ATP5IF1: variants seen among roughly 807,000 people sequenced by gnomAD.
The protein encoded by ATP5IF1 is ATPase inhibitor, mitochondrial.
Under a neutral mutation model 8.5 loss-of-function variants are expected in ATP5IF1, and 12 were observed. That is an observed-to-expected ratio of 1.41 (90% CI 0.90 to 2.28). The LOEUF is 2.28. Among genes scored for constraint, ATP5IF1 ranks in the 30% most tolerant of loss-of-function variants. ATP5IF1 has a pLI of 0.00. For synonymous variants in ATP5IF1, 51 were observed against 53.4 expected, an observed-to-expected ratio of 0.96 and a Z score of 0.19; for missense variants, 154 against 140.2, an observed-to-expected ratio of 1.10 and a Z score of -0.50.
chr1:28,236,673 A>C, intron 2 of ATP5IF1: 1 of 1,437,122 alleles, frequency 7.0e-7, no homozygotes. Flanking sequence ...AGGCCCCCAA[A>C]CCGTTTCCAC....
In ATP5IF1 at chr1:28,236,409, G is replaced by A. The variant is rs148891146; in HGVS notation, c.136G>A (p.Ala46Thr). ...GGGCTCCATCCGGGAAGCCGGTGGGGCCTTCGGAAAGAGAGAGCAGGCTGA... is the reference window on the plus strand; with the variant it reads ...GGGCTCCATCCGGGAAGCCGGTGGGACCTTCGGAAAGAGAGAGCAGGCTGA... ...GAGSIREAGG[A>T]FGKREQAEEE... is the part of the protein sequence containing the mutation. The change falls in exon 2 of 3, where the codon GCC becomes ACC. Residue 46 changes from alanine to threonine, a missense_variant. Transcript: ENST00000335514. 2 of 1,614,228 alleles carry A rather than the reference G, an allele frequency of 1.2e-6. No individual in the cohort carries two copies. Among genetic ancestry groups the A allele is most frequent in the South Asian group, 1.1e-5 (1 of 91,088 alleles).
chr1:28,236,725 A>C, intron 2 of ATP5IF1: 2 of 1,366,262 alleles, frequency 1.5e-6, no homozygotes, highest in East Asian at 3.0e-5. Context: ...CTCCTCCTTT[A>C]TCATTACCAT....
In ATP5IF1 at chr1:28,236,158, A is replaced by T; in HGVS notation, c.-26A>T. ...CGAGAGACTGCTTGCTGCGGCAGAGACGCCAGAGGTGCAGCTCCAGCAGCA... is the reference window on the plus strand; with the variant it reads ...CGAGAGACTGCTTGCTGCGGCAGAGTCGCCAGAGGTGCAGCTCCAGCAGCA... On this transcript the variant is annotated 5_prime_UTR_variant, in exon 1 of 3. Transcript: ENST00000335514. The T allele has an allele frequency of 6.2e-7, 1 of 1,609,978 alleles. No individual in the cohort carries two copies. The highest frequency in any genetic ancestry group is 8.5e-7 in the Non-Finnish European group (1 of 1,179,782).
intron 1 of ATP5IF1, 42 bp downstream of exon 1, chr1:28,236,312 A>C (rs762652663): frequency 6.2e-7 from 1 of 1,614,110 alleles, no homozygotes; most frequent in Non-Finnish European, 8.5e-7. Context: ...CCGCGGGCGG[A>C]TCCCATCTTT....
rs1278552143 is a variant in ATP5IF1 at position 28,237,886 on chromosome 1, G to T, written c.229G>T (p.Glu77Ter). 1 of 1,614,000 alleles carries T rather than the reference G, an allele frequency of 6.2e-7. No individual in the cohort carries two copies. The highest frequency in any genetic ancestry group is 8.5e-7 in the Non-Finnish European group (1 of 1,180,020). Residue 77 changes from glutamate (E) to a stop codon, truncating the protein, a stop_gained, in exon 3 of 3, where the codon GAA becomes TAA. Transcript: ENST00000335514. LOFTEE classifies it high-confidence loss of function. ...LAALKKHHEEEIVHHKKEIER... is the reference protein window; with the variant it reads ...LAALKKHHEE Reference sequence around the variant, plus strand: ...AGCTTTGAAAAAACACCATGAAGAAGAAATCGTTCATCATAAGAAGGAGAT... The same window carrying T: ...AGCTTTGAAAAAACACCATGAAGAATAAATCGTTCATCATAAGAAGGAGAT...
Position 28,238,070 on chromosome 1 carries a change from TAACA to T in ATP5IF1, c.*93_*96del, listed in dbSNP as rs2149029149. 1.6e-6 allele frequency: 2 copies of T among 1,252,738 alleles called. No individual in the cohort carries two copies. The highest frequency in any genetic ancestry group is 2.4e-5 in the East Asian group (1 of 42,116). The allele number at this position is 1,252,738 out of a possible 1,614,324, so 77.6% of individuals were successfully genotyped here. On this transcript the variant is annotated 3_prime_UTR_variant, in exon 3 of 3. Transcript: ENST00000335514. ...TAACTAATATTTGTCTGTGTGCTACTAACAGATTATAATAAATTGTCATCAGTGA... is the reference window on the plus strand; with the variant it reads ...TAACTAATATTTGTCTGTGTGCTACTGATTATAATAAATTGTCATCAGTGA...
In ATP5IF1 at chr1:28,238,049, T is replaced by C. The variant is rs1647054751; in HGVS notation, c.*71T>C. 68 of 1,455,506 alleles carry C rather than the reference T, an allele frequency of 4.7e-5. No individual in the cohort carries two copies. In the South Asian group the frequency reaches 8.5e-4, roughly 18 times the overall value. 90.2% of individuals were successfully genotyped at this position (1,455,506 alleles called of 1,614,324 possible). The stretch of plus-strand genomic sequence containing the variant: ...TGTGTAGACATGGTTCTGGTTTAAC[T>C]AATATTTGTCTGTGTGCTACTAACA... On this transcript the variant is annotated 3_prime_UTR_variant, in exon 3 of 3. Coordinates refer to ENST00000335514, the MANE Select transcript of ATP5IF1 (RefSeq NM_016311.5).
Position 28,236,403 on chromosome 1 carries a change from G to T in ATP5IF1, c.130G>T (p.Gly44Cys). 1 of 1,614,236 alleles carries T rather than the reference G, an allele frequency of 6.2e-7. No individual in the cohort carries two copies. Among genetic ancestry groups the T allele is most frequent in the Non-Finnish European group, 8.5e-7 (1 of 1,180,038 alleles). ...DRGAGSIREA[G>C]GAFGKREQAE... Reference sequence around the variant, plus strand: ...GGGCGCGGGCTCCATCCGGGAAGCCGGTGGGGCCTTCGGAAAGAGAGAGCA... The same window carrying T: ...GGGCGCGGGCTCCATCCGGGAAGCCTGTGGGGCCTTCGGAAAGAGAGAGCA... Residue 44 changes from glycine to cysteine, a missense_variant, in exon 2 of 3, where the codon GGT becomes TGT. Coordinates refer to ENST00000335514, the MANE Select transcript of ATP5IF1 (RefSeq NM_016311.5).
Position 28,237,939 on chromosome 1 carries a change from C to G in ATP5IF1, c.282C>G (p.Arg94=), listed in dbSNP as rs1386151621. ...EIERLQKEIE[R]HKQKIKMLKH... ...AGCGTCTGCAGAAAGAAATTGAGCG[C>G]CATAAGCAGAAGATCAAAATGCTAA... Residue 94 remains arginine, a synonymous_variant, in exon 3 of 3, where the codon CGC becomes CGG. Transcript: ENST00000335514. 1.9e-6 allele frequency: 3 copies of G among 1,613,432 alleles called. No individual in the cohort carries two copies. In the South Asian group the frequency reaches 3.3e-5, roughly 18 times the overall value.
intron 2 of ATP5IF1, chr1:28,237,502 T>C (rs1257112258): frequency 1.6e-5 from 22 of 1,356,620 alleles, no homozygotes; most frequent in Non-Finnish European, 2.1e-5. Flanking sequence ...TTTGTCTGTC[T>C]TCCTCATTTT....
intron 2 of ATP5IF1, 72 bp from the exon 3 acceptor site, chr1:28,237,765 T>C: frequency 6.2e-7 from 1 of 1,614,132 alleles, no homozygotes; most frequent in Non-Finnish European, 8.5e-7. Context: ...GCTTAGACAT[T>C]ACAGGTTATG....
At position 28,237,968 on chromosome 1, in the gene ATP5IF1, A is replaced by G. The variant is rs762972864; in HGVS notation, c.311A>G (p.His104Arg). 1 of 1,610,818 alleles carries G rather than the reference A, an allele frequency of 6.2e-7. No individual in the cohort carries two copies. The highest frequency in any genetic ancestry group is 8.5e-7 in the Non-Finnish European group (1 of 1,179,850). ...AAGCAGAAGATCAAAATGCTAAAACATGATGATTAAGTGCACACCGTGTGC... is the reference window on the plus strand; with the variant it reads ...AAGCAGAAGATCAAAATGCTAAAACGTGATGATTAAGTGCACACCGTGTGC... ...RHKQKIKMLK[H>R]DD is the part of the protein sequence containing the mutation. The change falls in exon 3 of 3, where the codon CAT (histidine) becomes CGT (arginine). Residue 104 changes from histidine (H) to arginine (R), a missense_variant. Coordinates refer to ENST00000335514, the MANE Select transcript of ATP5IF1 (RefSeq NM_016311.5).
At chr1:28,236,975 G>T in intron 2 of ATP5IF1, 1 of 1,043,792 alleles carries the variant, frequency 9.6e-7, no homozygotes, top group Non-Finnish European at 1.2e-6. Context: ...GATGGGAGCT[G>T]GTCATGGGAG....
At chr1:28,237,230 A>G in intron 2 of ATP5IF1, 2 of 993,526 alleles carry the variant, frequency 2.0e-6, no homozygotes, top group Non-Finnish European at 2.4e-6. Flanking sequence ...CACCTGCCAT[A>G]CCGTATAGAG....
chr1:28,237,318 G>A, intron 2 of ATP5IF1: 7 of 1,006,030 alleles, frequency 7.0e-6, no homozygotes, highest in Non-Finnish European at 8.3e-6. Flanking sequence ...GCCTAAATGT[G>A]ACCAAACCAA....
At chr1:28,236,321 T>C (rs759054730) in intron 1 of ATP5IF1, 40 bp from the exon 2 acceptor site, 2 of 1,614,182 alleles carry the variant, frequency 1.2e-6, no homozygotes, top group East Asian at 4.5e-5. Context: ...GATCCCATCT[T>C]TGCTTCCGTA....
In ATP5IF1 at chr1:28,236,151, G is replaced by A. The variant is rs766380484; in HGVS notation, c.-33G>A. ...CGCGTAACGAGAGACTGCTTGCTGCGGCAGAGACGCCAGAGGTGCAGCTCC... is the reference window on the plus strand; with the variant it reads ...CGCGTAACGAGAGACTGCTTGCTGCAGCAGAGACGCCAGAGGTGCAGCTCC... On this transcript the variant is annotated 5_prime_UTR_variant, in exon 1 of 3. Transcript: ENST00000335514. The A allele has an allele frequency of 6.8e-6, 11 of 1,608,380 alleles. No homozygotes were observed. The Admixed American group carries it at 8.3e-5, about 12-fold the overall frequency.
intron 2 of ATP5IF1, chr1:28,236,894 AGC>A (rs1325150188): frequency 8.9e-7 from 1 of 1,120,008 alleles, no homozygotes; most frequent in Non-Finnish European, 1.1e-6. Flanking sequence ...AGCACGCCTT[AGC>A]TTTGCAAGCC....
rs1647049011 is a variant in ATP5IF1, at chr1:28,237,494, TG to T, written c.180-342del. On this transcript the variant is annotated intron_variant, in intron 2 of 2. Transcript: ENST00000335514. ...TATTTGCCTTTTAGCTACACCCCTT[TG>T]TCTGTCTTCCTCATTTTGTTCCTTT... 7 of 1,339,772 alleles carry T rather than the reference TG, an allele frequency of 5.2e-6. No homozygotes were observed. In the Admixed American group the frequency reaches 2.5e-4, roughly 47 times the overall value. 83.0% of individuals were successfully genotyped at this position (1,339,772 alleles called of 1,614,324 possible).
Sources: gnomAD v4.1 joint callset for allele counts on GRCh38, gnomAD v4.1.1 for gene constraint, MANE v1.5 for transcripts, NCBI Gene and HGNC (gene_info 2026-07-23, HGNC 2026-07-21) for gene names.